The following PDE3A variants were observed in gnomAD, a reference collection of about 807,000 sequenced individuals.
The protein encoded by PDE3A is cGMP-inhibited 3',5'-cyclic phosphodiesterase 3A.
PDE3A carries 43 observed loss-of-function variants against 98.3 expected under a neutral mutation model. The observed-to-expected ratio is 0.44, with a 90% confidence interval of 0.34 to 0.56. The LOEUF (loss-of-function observed/expected upper bound fraction) is 0.56. Ranked by LOEUF, PDE3A falls within the 20% of genes least tolerant of loss-of-function variation. PDE3A has a pLI of 0.01. For synonymous variants in PDE3A, 663 were observed against 567.9 expected, an observed-to-expected ratio of 1.17 and a Z score of -2.38; for missense variants, 1,427 against 1,440.7, an observed-to-expected ratio of 0.99 and a Z score of 0.15.
chr12:20,432,612 C>G (rs1944716470), intron 1 of PDE3A, among the ~76,000 whole-genome samples: 1 of 152,054 alleles, frequency 6.6e-6, no homozygotes, highest in African/African-American at 2.4e-5. Context: ...TCGATCATAC[C>G]TTAATAAAAT....
At chr12:20,633,455 TGA>T (rs1175323551) in intron 6 of PDE3A, among the ~76,000 whole-genome samples, 2 of 152,148 alleles carry the variant, frequency 1.3e-5, no homozygotes, top group Admixed American at 1.3e-4. Flanking sequence ...AGGAGGAGAA[TGA>T]GAGTCAAATG....
At chr12:20,590,543 G>A (rs1240668220) in intron 2 of PDE3A, among the ~76,000 whole-genome samples, 1 of 151,256 alleles carries the variant, frequency 6.6e-6, no homozygotes, top group East Asian at 1.9e-4. Context: ...GAGAGGCTAA[G>A]TTGGGAGGAT....
At chr12:20,509,088 G>T (rs867042672) in intron 1 of PDE3A, among the ~76,000 whole-genome samples, 1 of 151,862 alleles carries the variant, frequency 6.6e-6, no homozygotes, top group Non-Finnish European at 1.5e-5. Context: ...GACATTGTGC[G>T]TCATCAAGAG....
chr12:20,509,339 G>A (rs1946175025), intron 1 of PDE3A, among the ~76,000 whole-genome samples: 1 of 150,914 alleles, frequency 6.6e-6, no homozygotes, highest in Admixed American at 6.7e-5. Context: ...TTCCTTTAGT[G>A]TTCTGGGCTT....
chr12:20,407,983 G>T (rs1369974811), intron 1 of PDE3A, among the ~76,000 whole-genome samples: 1 of 152,040 alleles, frequency 6.6e-6, no homozygotes, highest in Non-Finnish European at 1.5e-5. Flanking sequence ...GCAGTGACTT[G>T]ATCTTGGCTC....
chr12:20,584,119 G>T (rs1253002441), intron 2 of PDE3A, among the ~76,000 whole-genome samples: 1 of 152,168 alleles, frequency 6.6e-6, no homozygotes, highest in African/African-American at 2.4e-5. Context: ...AGCAGGGTGG[G>T]ACACCTAGGA....
chr12:20,509,044 G>A (rs1015551898), intron 1 of PDE3A, among the ~76,000 whole-genome samples: 5 of 151,876 alleles, frequency 3.3e-5, no homozygotes, highest in Non-Finnish European at 5.9e-5. Flanking sequence ...TTCTGTTACC[G>A]TATCTCAAAC....
chr12:20,611,921 A>G (rs962334127), intron 2 of PDE3A, among the ~76,000 whole-genome samples: 6 of 151,806 alleles, frequency 4.0e-5, no homozygotes, highest in Non-Finnish European at 8.8e-5. Flanking sequence ...TTATCTACTT[A>G]TATGTATCTC....
chr12:20,433,666 T>C (rs1318206393), intron 1 of PDE3A, among the ~76,000 whole-genome samples: 1 of 152,124 alleles, frequency 6.6e-6, no homozygotes, highest in Admixed American at 6.6e-5. Context: ...ACAGCATACG[T>C]TTTTTAAAAA....
At chr12:20,665,707 A>C (rs2120368641) in intron 15 of PDE3A, among the ~76,000 whole-genome samples, 1 of 152,228 alleles carries the variant, frequency 6.6e-6, no homozygotes, top group African/African-American at 2.4e-5. Flanking sequence ...CTAATTGTTA[A>C]ATTCTTCGTC....
chr12:20,456,186 T>C (rs1039900464), intron 1 of PDE3A, among the ~76,000 whole-genome samples: 9 of 152,112 alleles, frequency 5.9e-5, no homozygotes, highest in Non-Finnish European at 1.2e-4. Context: ...TAGAGAGAAT[T>C]GGAAGCATTT....
At chr12:20,656,364 T>A (rs944372548) in intron 15 of PDE3A, among the ~76,000 whole-genome samples, 2 of 152,168 alleles carry the variant, frequency 1.3e-5, no homozygotes, top group East Asian at 3.9e-4. Flanking sequence ...CATAAAGAAG[T>A]CCTTATCAAT....
At chr12:20,601,335 A>G (rs572511826) in intron 2 of PDE3A, among the ~76,000 whole-genome samples, 80 of 152,204 alleles carry the variant, frequency 5.3e-4, no homozygotes, top group Admixed American at 1.7e-3. Flanking sequence ...TAACGTGGAA[A>G]TGTTTGTATG....
Position 20,648,728 on chromosome 12 carries a change from A to G in PDE3A, c.2606A>G (p.His869Arg). ...YNDRSVLENHHAAAAWNLFMS... is the reference protein window; with the variant it reads ...YNDRSVLENHRAAAAWNLFMS... ...GATCGTTCAGTTTTGGAGAATCATC[A>G]CGCAGCTGCTGCATGGAATCTTTTC... The change falls in exon 13 of 16, where the codon CAC (histidine) becomes CGC (arginine). Residue 869 changes from histidine to arginine, a missense_variant. By Grantham distance (29) the His-to-Arg change is conservative (BLOSUM62 0). Coordinates refer to ENST00000359062, the MANE Select transcript of PDE3A (RefSeq NM_000921.5). 1.2e-6 allele frequency: 2 copies of G among 1,613,442 alleles called. No individual in the cohort carries two copies. The highest frequency in any genetic ancestry group is 1.7e-6 in the Non-Finnish European group (2 of 1,179,388).
rs540053746 is a variant in PDE3A at position 20,442,755 on chromosome 12, T to G, written c.960+72511T>G. 3.3e-5 allele frequency among the ~76,000 whole-genome samples: 5 copies of G among 152,312 alleles called. 1 individual carries two copies. In the South Asian group the frequency reaches 1.0e-3, roughly 32 times the overall value. On this transcript the variant is annotated intron_variant, in intron 1 of 15. Transcript: ENST00000359062. The stretch of plus-strand genomic sequence containing the variant: ...CTAAAACAATCCTAAAGAGGTGAGA[T>G]TGTATCTTTTAAAATCATTATCTCA...
At chr12:20,610,357 C>T (rs1350944460) in intron 2 of PDE3A, among the ~76,000 whole-genome samples, 1 of 151,928 alleles carries the variant, frequency 6.6e-6, no homozygotes, top group Non-Finnish European at 1.5e-5. Flanking sequence ...TATCACTTCA[C>T]TCCTGTTAGG....
Position 20,552,224 on chromosome 12 carries a change from C to G in PDE3A, c.961-4436C>G, listed in dbSNP as rs903982906. ...GCCAAGGACTGGCGGTCGGGGAAGC[C>G]GGTCAGGGTGGTGCGCAATGTCAAG... On this transcript the variant is annotated intron_variant, in intron 1 of 15. Coordinates refer to ENST00000359062, the MANE Select transcript of PDE3A (RefSeq NM_000921.5). The surrounding 1 kb of genome is among the most constrained non-coding windows in gnomAD (Gnocchi z 5.1). 97 of 1,613,802 alleles carry G rather than the reference C, an allele frequency of 6.0e-5. No homozygotes were observed. Among genetic ancestry groups the G allele is most frequent in the Non-Finnish European group, 8.0e-5 (94 of 1,179,892 alleles).
chr12:20,678,628 C>T (rs927153149), intron 15 of PDE3A, among the ~76,000 whole-genome samples: 1 of 152,230 alleles, frequency 6.6e-6, no homozygotes, highest in African/African-American at 2.4e-5. Flanking sequence ...ACAGCTTGTT[C>T]TTTCAGCCTT....
chr12:20,393,405 A>G (rs1410682873), intron 1 of PDE3A, among the ~76,000 whole-genome samples: 2 of 152,134 alleles, frequency 1.3e-5, no homozygotes, highest in East Asian at 3.9e-4. Flanking sequence ...AACTGCTGCC[A>G]TCATTCAGTT....
Sources: allele counts gnomAD v4.1 joint callset (sites outside exome capture counted in the v4.1 genomes callset), GRCh38; gene constraint gnomAD v4.1.1; non-coding constraint Gnocchi (gnomAD v3.1); transcripts MANE v1.5; gene names NCBI Gene and HGNC (gene_info 2026-07-23, HGNC 2026-07-21).